The following COX6C variants were observed in gnomAD, a reference collection of about 807,000 sequenced individuals.
COX6C encodes the protein cytochrome c oxidase subunit 6C.
COX6C carries 3 observed loss-of-function variants against 6.9 expected under a neutral mutation model. That is an observed-to-expected ratio of 0.43 (90% CI 0.20 to 1.12). COX6C has a LOEUF of 1.12. Among genes scored for constraint, COX6C ranks in the 50% most tolerant of loss-of-function variants. The pLI, the probability that COX6C is intolerant of heterozygous loss-of-function variation, is 0.27. For missense variants in COX6C, 101 were observed against 97.3 expected (o/e 1.04, Z -0.16); for synonymous variants, 32 against 32.0 (o/e 1.00, Z 0.00).
chr8:99,888,106 A>T (rs938915045), intron 2 of COX6C, among the ~76,000 whole-genome samples: 5 of 150,094 alleles, frequency 3.3e-5, no homozygotes, highest in African/African-American at 4.9e-5. Context: ...AATAAAAAAT[A>T]AAAAAAAATA....
At chr8:99,885,184 G>T (rs1817927210) in intron 3 of COX6C, among the ~76,000 whole-genome samples, 1 of 152,162 alleles carries the variant, frequency 6.6e-6, no homozygotes, top group East Asian at 1.9e-4. Flanking sequence ...GTCAACTGTG[G>T]TTCAAAAACA....
chr8:99,889,103 G>A (rs759968328), intron 2 of COX6C, among the ~76,000 whole-genome samples: 5 of 152,110 alleles, frequency 3.3e-5, no homozygotes, highest in African/African-American at 1.2e-4. Context: ...CTAAACTAAG[G>A]AGCAAAAATT....
intron 3 of COX6C, among the ~76,000 whole-genome samples, chr8:99,884,276 C>A (rs970342024): frequency 2.0e-5 from 3 of 152,140 alleles, no homozygotes; most frequent in Non-Finnish European, 4.4e-5. Flanking sequence ...TACATGAATT[C>A]TACTAAGTTG....
chr8:99,888,133 T>A (rs987376419), intron 2 of COX6C, among the ~76,000 whole-genome samples: 10 of 149,398 alleles, frequency 6.7e-5, no homozygotes, highest in Admixed American at 2.7e-4. Flanking sequence ...AAAAAAAAAA[T>A]AAAAAATAAA....
chr8:99,883,607 T>C (rs1817902008), intron 3 of COX6C, among the ~76,000 whole-genome samples: 1 of 151,936 alleles, frequency 6.6e-6, no homozygotes, highest in Non-Finnish European at 1.5e-5. Context: ...CAGCCCTCTA[T>C]GAAACCAGCA....
Position 99,892,014 on chromosome 8 carries a change from G to T in COX6C, c.8C>A (p.Pro3His). 6.2e-7 allele frequency: 1 copy of T among 1,612,178 alleles called. No homozygotes were observed. The highest frequency in any genetic ancestry group is 1.3e-5 in the African/African-American group (1 of 74,840). MA[P>H]EVLPKPRMRG... ...CATCCGAGGTTTTGGCAAAACTTCGGGAGCCATGGTAGTTACTGTCCTTGA... is the reference window on the plus strand; with the variant it reads ...CATCCGAGGTTTTGGCAAAACTTCGTGAGCCATGGTAGTTACTGTCCTTGA... The change falls in exon 2 of 4, where the codon CCC (proline) becomes CAC (histidine). Residue 3 changes from proline to histidine, a missense_variant. Transcript: ENST00000520468.
chr8:99,891,635 G>A (rs953129187), intron 2 of COX6C, among the ~76,000 whole-genome samples: 17 of 152,150 alleles, frequency 1.1e-4, no homozygotes, highest in African/African-American at 4.1e-4. Flanking sequence ...GCCAACAGAG[G>A]CCTCAGAAGA....
chr8:99,889,608 G>A (rs57750880), intron 2 of COX6C, among the ~76,000 whole-genome samples: 80 of 151,156 alleles, frequency 5.3e-4, no homozygotes, highest in African/African-American at 1.8e-3. Flanking sequence ...GGCTGGTCTC[G>A]AACTCCTGAC....
chr8:99,890,302 A>AT (rs1429512538), intron 2 of COX6C, among the ~76,000 whole-genome samples: 3 of 152,120 alleles, frequency 2.0e-5, no homozygotes, highest in East Asian at 3.9e-4. Context: ...CACCTCCTCT[A>AT]TCAAATAGCT....
intron 2 of COX6C, among the ~76,000 whole-genome samples, chr8:99,888,999 T>C (rs1218921982): frequency 1.3e-5 from 2 of 152,208 alleles, no homozygotes; most frequent in African/African-American, 4.8e-5. Flanking sequence ...TGTTTTCTTT[T>C]TTCCTTTTCA....
At chr8:99,892,522 C>A (rs969002491) in intron 1 of COX6C, among the ~76,000 whole-genome samples, 11 of 151,998 alleles carry the variant, frequency 7.2e-5, no homozygotes, top group African/African-American at 2.7e-4. Flanking sequence ...CTTTTTTTCC[C>A]TTTCTCGGGT....
rs192655544 is a variant in COX6C at position 99,890,373 on chromosome 8, A to G, written c.114+1535T>C. ...AAAACCATTCTTTCAGTTATGTTCT[A>G]TCTTGCAATGTCTTCTAATTTTTTT... is the stretch of plus-strand genomic sequence containing the variant. On this transcript the variant is annotated intron_variant, in intron 2 of 3. Transcript: ENST00000520468. 2.3e-3 allele frequency among the ~76,000 whole-genome samples: 343 copies of G among 152,266 alleles called. 3 individuals carry two copies. The highest frequency in any genetic ancestry group is 7.9e-3 in the African/African-American group (329 of 41,570).
intron 3 of COX6C, among the ~76,000 whole-genome samples, chr8:99,884,718 T>C (rs865916367): frequency 6.6e-6 from 1 of 152,202 alleles, no homozygotes; most frequent in Non-Finnish European, 1.5e-5. Context: ...TACCAAACCC[T>C]ATACAGCTAC....
At chr8:99,884,672 A>G (rs1276785698) in intron 3 of COX6C, among the ~76,000 whole-genome samples, 1 of 152,226 alleles carries the variant, frequency 6.6e-6, no homozygotes, top group African/African-American at 2.4e-5. Flanking sequence ...GATATGTTTC[A>G]AGACCCTTCC....
intron 2 of COX6C, 81 bp from the exon 3 acceptor site, chr8:99,887,699 T>C (rs1364222430): frequency 1.0e-5 from 9 of 901,828 alleles, no homozygotes; most frequent in East Asian, 2.8e-5. Context: ...AAAGACAAGG[T>C]AGAACACATG....
intron 2 of COX6C, among the ~76,000 whole-genome samples, chr8:99,888,731 TGAA>T (rs1817984580): frequency 6.6e-6 from 1 of 152,218 alleles, no homozygotes; most frequent in Admixed American, 6.5e-5. Flanking sequence ...TAAAACAGCC[TGAA>T]GGCTGAAAGG....
chr8:99,883,410 T>C (rs1216255692), intron 3 of COX6C, among the ~76,000 whole-genome samples: 1 of 151,256 alleles, frequency 6.6e-6, no homozygotes, highest in Non-Finnish European at 1.5e-5. Context: ...TGTGTATATA[T>C]ATGTGTGTGT....
chr8:99,892,266 T>C (rs993045849), intron 1 of COX6C, among the ~76,000 whole-genome samples: 2 of 152,172 alleles, frequency 1.3e-5, no homozygotes, highest in African/African-American at 4.8e-5. Flanking sequence ...TCATCCTACC[T>C]CGTCCTCCCA....
At chr8:99,884,571 A>C (rs1406056369) in intron 3 of COX6C, among the ~76,000 whole-genome samples, 1 of 152,162 alleles carries the variant, frequency 6.6e-6, no homozygotes, top group Non-Finnish European at 1.5e-5. Context: ...AAACTGAAAC[A>C]TGTCACTATA....
Sources: allele counts gnomAD v4.1 joint callset (sites outside exome capture counted in the v4.1 genomes callset), GRCh38; gene constraint gnomAD v4.1.1; transcripts MANE v1.5; gene names NCBI Gene and HGNC (gene_info 2026-07-23, HGNC 2026-07-21).